The following OSBPL10 variants were observed in gnomAD, a reference collection of about 807,000 sequenced individuals.
The protein encoded by OSBPL10 is oxysterol binding protein like 10.
In OSBPL10, 49 loss-of-function variants were observed where a neutral mutation model predicts 81.7. The observed-to-expected ratio is 0.60, with a 90% CI of 0.48 to 0.76. OSBPL10 has a LOEUF of 0.76. Among genes scored for constraint, OSBPL10 ranks in the 30% least tolerant of loss-of-function variants. The probability of loss-of-function intolerance (pLI) is 0.00; values close to 1 mark genes in which losing one functional copy is unlikely to be tolerated. For missense variants in OSBPL10, 923 were observed against 987.8 expected (o/e 0.93, Z 0.88); for synonymous variants, 419 against 383.6 (o/e 1.09, Z -1.08).
intron 1 of OSBPL10, chr3:32,064,130 T>G (rs953696202): frequency 1.1e-5 from 1 of 91,814 alleles, no homozygotes; most frequent in African/African-American, 2.8e-5. Context: ...ACACAGCTAA[T>G]TTTTGTATTT....
intron 2 of OSBPL10, among the ~76,000 whole-genome samples, chr3:32,005,153 G>T (rs1699191883): frequency 6.6e-6 from 1 of 152,022 alleles, no homozygotes; most frequent in South Asian, 2.1e-4. Flanking sequence ...GTGGTTTGTT[G>T]CACCCATCAA....
At chr3:31,862,483 GCT>G (rs1491148155) in intron 3 of OSBPL10, among the ~76,000 whole-genome samples, 1 of 151,946 alleles carries the variant, frequency 6.6e-6, no homozygotes, top group Non-Finnish European at 1.5e-5. Context: ...AAAATGTAAT[GCT>G]TTTTTTTTAT....
intron 1 of OSBPL10, among the ~76,000 whole-genome samples, chr3:31,901,340 G>T (rs1696232715): frequency 6.6e-6 from 1 of 152,200 alleles, no homozygotes; most frequent in South Asian, 2.1e-4. Context: ...GGTCTTACAT[G>T]ATGTAGCTCA....
intron 4 of OSBPL10, among the ~76,000 whole-genome samples, chr3:31,825,517 T>C (rs915186426): frequency 4.6e-5 from 7 of 152,040 alleles, no homozygotes; most frequent in Non-Finnish European, 7.4e-5. Flanking sequence ...AAATGGAGTC[T>C]GTGTTGCCAG....
chr3:31,955,209 A>G (rs1697974308), intron 1 of OSBPL10, among the ~76,000 whole-genome samples: 1 of 152,256 alleles, frequency 6.6e-6, no homozygotes, highest in South Asian at 2.1e-4. Context: ...GTAATACAGT[A>G]ATAATTTGTT....
At position 31,902,398 on chromosome 3, in the gene OSBPL10, G is replaced by A. The variant is rs143424115; in HGVS notation, c.282-22568C>T. Among the ~76,000 whole-genome samples, 934 of 151,864 alleles carry A rather than the reference G, an allele frequency of 6.2e-3. 11 individuals carry two copies. Among genetic ancestry groups the A allele is most frequent in the African/African-American group, 0.022 (903 of 41,368 alleles). Reference sequence around the variant, plus strand: ...CTGCCTCAGCCTTCCGAATAGCTGGGATTACAGGTGGCTGCCACCACACCC... The same window carrying A: ...CTGCCTCAGCCTTCCGAATAGCTGGAATTACAGGTGGCTGCCACCACACCC... On this transcript the variant is annotated intron_variant, in intron 1 of 11. Transcript: ENST00000396556.
At chr3:31,933,567 CCT>C (rs1363065196) in intron 1 of OSBPL10, among the ~76,000 whole-genome samples, 11 of 151,926 alleles carry the variant, frequency 7.2e-5, no homozygotes, top group African/African-American at 2.4e-4. Context: ...ACCACATTCC[CCT>C]GAGTTTTTAC....
At chr3:31,854,157 A>C (rs927555543) in intron 3 of OSBPL10, among the ~76,000 whole-genome samples, 8 of 148,530 alleles carry the variant, frequency 5.4e-5, no homozygotes, top group Non-Finnish European at 1.2e-4. Flanking sequence ...TTTTTTTTTA[A>C]GGATAACTTT....
intron 1 of OSBPL10, among the ~76,000 whole-genome samples, chr3:31,946,524 C>T (rs1246776137): frequency 2.0e-5 from 3 of 152,160 alleles, no homozygotes; most frequent in African/African-American, 7.2e-5. Context: ...ATGAGTAAGA[C>T]CCTGCCTGGG....
intron 4 of OSBPL10, among the ~76,000 whole-genome samples, chr3:31,760,369 G>T (rs548047039): frequency 3.2e-4 from 48 of 152,260 alleles, no homozygotes; most frequent in Middle Eastern, 6.8e-3. Context: ...ACCCATGGGG[G>T]ATTGGTTCCA....
At chr3:31,967,682 T>C (rs1369833973) in intron 1 of OSBPL10, among the ~76,000 whole-genome samples, 1 of 152,178 alleles carries the variant, frequency 6.6e-6, no homozygotes, top group Non-Finnish European at 1.5e-5. Context: ...CCCAAACCTT[T>C]GGTTTAATGG....
At chr3:31,750,161 G>A (rs935236677) in intron 4 of OSBPL10, among the ~76,000 whole-genome samples, 15 of 151,922 alleles carry the variant, frequency 9.9e-5, no homozygotes, top group Non-Finnish European at 1.9e-4. Context: ...CAGCCTGGGC[G>A]ACAGAGCAAG....
At chr3:31,829,981 G>A (rs182493064) in intron 4 of OSBPL10, 59 bp downstream of exon 4, 37 of 1,488,786 alleles carry the variant, frequency 2.5e-5, no homozygotes, top group African/African-American at 2.0e-4. Flanking sequence ...TCGGCAGAGC[G>A]ACTGTCACAG....
At chr3:31,940,698 C>T (rs185669387) in intron 1 of OSBPL10, among the ~76,000 whole-genome samples, 28 of 152,152 alleles carry the variant, frequency 1.8e-4, no homozygotes, top group Admixed American at 1.6e-3. Context: ...TCACCCCTGG[C>T]CTCTCTGCTT....
At chr3:31,971,078 C>T (rs879719588) in intron 1 of OSBPL10, among the ~76,000 whole-genome samples, 1 of 151,884 alleles carries the variant, frequency 6.6e-6, no homozygotes, top group Non-Finnish European at 1.5e-5. Flanking sequence ...CAGTAGCACT[C>T]ACCACCTGTA....
At chr3:31,738,779 G>A (rs1024964977) in intron 5 of OSBPL10, among the ~76,000 whole-genome samples, 2 of 152,122 alleles carry the variant, frequency 1.3e-5, no homozygotes, top group Non-Finnish European at 1.5e-5. Context: ...TGCACCATGT[G>A]CCCTCTCAGC....
chr3:31,765,208 G>T (rs1413041597), intron 4 of OSBPL10, among the ~76,000 whole-genome samples: 29 of 145,880 alleles, frequency 2.0e-4, no homozygotes, highest in African/African-American at 3.5e-4. Context: ...TTTTGTTTTT[G>T]TTTTTTTTTT....
intron 1 of OSBPL10, among the ~76,000 whole-genome samples, chr3:31,889,206 C>T (rs9848700): frequency 0.69 from 104,357 of 152,002 alleles, 36,023 homozygotes; most frequent in East Asian, 0.87. Context: ...TTGGTGGGAA[C>T]GTAAACCAGT....
At chr3:31,914,941 G>A (rs1356638066) in intron 1 of OSBPL10, among the ~76,000 whole-genome samples, 1 of 152,034 alleles carries the variant, frequency 6.6e-6, no homozygotes, top group Non-Finnish European at 1.5e-5. Context: ...ACGGGGATGT[G>A]TCTATTGTGT....
Sources: gnomAD v4.1 joint callset for allele counts (sites outside exome capture counted in the v4.1 genomes callset) on GRCh38, gnomAD v4.1.1 for gene constraint, MANE v1.5 for transcripts, NCBI Gene and HGNC (gene_info 2026-07-23, HGNC 2026-07-21) for gene names.